RFTN1: variants seen among roughly 807,000 people sequenced by gnomAD.
The protein encoded by RFTN1 is raftlin.
A neutral mutation model predicts 46.5 loss-of-function variants in RFTN1; 26 were observed. The observed-to-expected ratio is 0.56, with a 90% CI of 0.41 to 0.78. RFTN1 has a LOEUF of 0.78. Ranked by LOEUF, RFTN1 falls within the 30% of genes least tolerant of loss-of-function variation. The pLI is 0.00. For missense variants in RFTN1, 693 were observed against 718.7 expected (o/e 0.96, Z 0.41); for synonymous variants, 261 against 284.2 (o/e 0.92, Z 0.82).
At chr3:16,434,399 C>CAA (rs761065705) in intron 2 of RFTN1, among the ~76,000 whole-genome samples, 3 of 112,184 alleles carry the variant, frequency 2.7e-5, no homozygotes, top group East Asian at 3.1e-4. Context: ...CAAACAAAAA[C>CAA]AAAAAAACCC....
At chr3:16,494,883 A>G (rs551186264) in intron 1 of RFTN1, among the ~76,000 whole-genome samples, 51 of 152,234 alleles carry the variant, frequency 3.4e-4, no homozygotes, top group Non-Finnish European at 6.9e-4. Flanking sequence ...AATATCACAC[A>G]CAGAAACCCA....
chr3:16,438,520 G>A (rs2075558709), intron 2 of RFTN1, among the ~76,000 whole-genome samples: 1 of 137,882 alleles, frequency 7.3e-6, no homozygotes, highest in African/African-American at 2.7e-5. Flanking sequence ...AGGAGGCAGA[G>A]GTTGCAGTGA....
intron 7 of RFTN1, among the ~76,000 whole-genome samples, chr3:16,333,287 A>G (rs2070509209): frequency 6.6e-6 from 1 of 152,254 alleles, no homozygotes; most frequent in African/African-American, 2.4e-5. Flanking sequence ...GAAACCAGGC[A>G]CAATATTACC....
chr3:16,412,376 T>C (rs2074995495), intron 3 of RFTN1, among the ~76,000 whole-genome samples: 1 of 152,222 alleles, frequency 6.6e-6, no homozygotes, highest in Non-Finnish European at 1.5e-5. Context: ...CACTCTGTGA[T>C]GGTGCAGCTA....
chr3:16,434,140 A>C, intron 2 of RFTN1, 103 bp from the exon 3 acceptor site: 1 of 969,390 alleles, frequency 1.0e-6, no homozygotes, highest in Non-Finnish European at 1.5e-6. Context: ...CCTCTAGGTC[A>C]CTGCTAAAAT....
Position 16,365,777 on chromosome 3 carries a change from G to C in RFTN1, c.1030+4299C>G, listed in dbSNP as rs181563399. Among the ~76,000 whole-genome samples the C allele has an allele frequency of 1.8e-4, 25 of 139,920 alleles. No homozygotes were observed. In the East Asian group the frequency reaches 5.1e-3, roughly 29 times the overall value. The allele number at this position is 139,920 out of a possible 152,430, so 91.8% of individuals were successfully genotyped here. The stretch of plus-strand genomic sequence containing the variant: ...CAGGTTACAGGAAATAGAGGCTGGA[G>C]ATATAAGATCAATGACACCATGAGC... On this transcript the variant is annotated intron_variant, in intron 6 of 9. Transcript: ENST00000334133.
At position 16,359,562 on chromosome 3, in the gene RFTN1, C is replaced by T. The variant is rs74563189; in HGVS notation, c.1031-1515G>A. The stretch of plus-strand genomic sequence containing the variant: ...TGGCGTGTGTAAAGAGGAAAAGCCA[C>T]GTGAGGACACAGCAGGAAGGTGGCT... On this transcript the variant is annotated intron_variant, in intron 6 of 9. Transcript: ENST00000334133. Among the ~76,000 whole-genome samples the T allele has an allele frequency of 2.9e-3, 437 of 152,212 alleles. 2 individuals are homozygous for T. Among genetic ancestry groups the T allele is most frequent in the African/African-American group, 0.01 (425 of 41,518 alleles).
chr3:16,482,360 T>A (rs1201343252), intron 2 of RFTN1, among the ~76,000 whole-genome samples: 3 of 152,186 alleles, frequency 2.0e-5, no homozygotes, highest in African/African-American at 7.2e-5. Context: ...AACCACTCAG[T>A]CTATTCTCAT....
chr3:16,344,863 C>G lies in RFTN1; in HGVS notation c.1146+13069G>C, dbSNP rs1184866104. On this transcript the variant is annotated intron_variant, in intron 7 of 9. Transcript: ENST00000334133. The surrounding 1 kb of genome is among the most constrained non-coding windows in gnomAD (Gnocchi z 4.4). ...GGAGTGGTAGTGAGTGAACACATAA[C>G]TACAAGAACACCCCCCAACCTTTTA... Among the ~76,000 whole-genome samples the G allele has an allele frequency of 1.3e-5, 2 of 152,216 alleles. No individual in the cohort carries two copies. The highest frequency in any genetic ancestry group is 2.9e-5 in the Non-Finnish European group (2 of 68,034).
rs147921749 is a variant in RFTN1 at position 16,390,371 on chromosome 3, G to C, written c.442-12269C>G. On this transcript the variant is annotated intron_variant, in intron 4 of 9. Coordinates refer to ENST00000334133, the MANE Select transcript of RFTN1 (RefSeq NM_015150.2). ...AGGATAACACAAAAGCTCTGAAGGA[G>C]TGAGCCTTCAGAGATCTGCTTTAAT... is the stretch of plus-strand genomic sequence containing the variant. 2.3e-3 allele frequency among the ~76,000 whole-genome samples: 353 copies of C among 152,334 alleles called. 3 individuals are homozygous for C. Among genetic ancestry groups the C allele is most frequent in the African/African-American group, 6.5e-3 (270 of 41,574 alleles).
chr3:16,480,140 T>A lies in RFTN1; in HGVS notation c.145+13585A>T, dbSNP rs1207707312. Among the ~76,000 whole-genome samples the A allele has an allele frequency of 6.6e-6, 1 of 151,842 alleles. No individual in the cohort carries two copies. The highest frequency in any genetic ancestry group is 2.4e-5 in the African/African-American group (1 of 41,436). ...AATGGATCAATTTTGTTAAGTAACT[T>A]TGCCAGACAAGACTGCTTTCTCCAA... On this transcript the variant is annotated intron_variant, in intron 2 of 9. Coordinates refer to ENST00000334133, the MANE Select transcript of RFTN1 (RefSeq NM_015150.2). The surrounding 1 kb of genome is among the most constrained non-coding windows in gnomAD (Gnocchi z 4.3).
At chr3:16,493,284 T>G (rs1027596791) in intron 2 of RFTN1, among the ~76,000 whole-genome samples, 8 of 151,256 alleles carry the variant, frequency 5.3e-5, no homozygotes, top group Admixed American at 2.0e-4. Flanking sequence ...CAGGCTGGAG[T>G]GCAGTGGCGT....
chr3:16,512,892 C>G lies in RFTN1; in HGVS notation c.-9+550G>C, dbSNP rs1204239761. The G allele has an allele frequency of 3.9e-5, 6 of 152,426 alleles. No homozygotes were observed. The highest frequency in any genetic ancestry group is 8.8e-5 in the Non-Finnish European group (6 of 68,124). The allele number at this position is 152,426 out of a possible 1,614,324, so 9.4% of individuals were successfully genotyped here. A position where few individuals can be genotyped will look rare whatever the true frequency, so the allele number is the denominator to read the frequency against. On this transcript the variant is annotated intron_variant, in intron 1 of 9. Transcript: ENST00000334133. This position sits in a 1 kb window ranked among gnomAD's most constrained non-coding sequence, Gnocchi z 4.3. Reference sequence around the variant, plus strand: ...AGCGCGCGGCATGTCTGCTCCTACACGTCCAGCACCTCTGTCCCCAGAGCA... The same window carrying G: ...AGCGCGCGGCATGTCTGCTCCTACAGGTCCAGCACCTCTGTCCCCAGAGCA...
In RFTN1 at chr3:16,353,462, C is replaced by T. The variant is rs892643537; in HGVS notation, c.1146+4470G>A. 3.3e-5 allele frequency among the ~76,000 whole-genome samples: 5 copies of T among 152,152 alleles called. No individual in the cohort carries two copies. The highest frequency in any genetic ancestry group is 1.3e-4 in the Admixed American group (2 of 15,284). ...TTACAGAGCTGTCTACACTTAGTTC[C>T]CCTAAGACAGGGATTCTCAAGGTGG... On this transcript the variant is annotated intron_variant, in intron 7 of 9. Coordinates refer to ENST00000334133, the MANE Select transcript of RFTN1 (RefSeq NM_015150.2). This position sits in a 1 kb window ranked among gnomAD's most constrained non-coding sequence, Gnocchi z 5.4.
At chr3:16,414,119 A>C (rs1018645863) in intron 3 of RFTN1, among the ~76,000 whole-genome samples, 3 of 152,134 alleles carry the variant, frequency 2.0e-5, no homozygotes, top group East Asian at 1.9e-4. Flanking sequence ...TCATTCATTC[A>C]TTAAATATGG....
rs567179803 is a variant in RFTN1 at position 16,481,455 on chromosome 3, C to T, written c.145+12270G>A. Among the ~76,000 whole-genome samples the T allele has an allele frequency of 6.6e-6, 1 of 152,200 alleles. No homozygotes were observed. The highest frequency in any genetic ancestry group is 1.5e-5 in the Non-Finnish European group (1 of 68,042). ...GGTCTGTTTTTAACACACCTCCCAG[C>T]CAGAACCTCAACTCATAACTCATGC... On this transcript the variant is annotated intron_variant, in intron 2 of 9. Coordinates refer to ENST00000334133, the MANE Select transcript of RFTN1 (RefSeq NM_015150.2). The surrounding 1 kb of genome is among the most constrained non-coding windows in gnomAD (Gnocchi z 5.1).
intron 2 of RFTN1, among the ~76,000 whole-genome samples, chr3:16,456,794 G>A (rs2075914215): frequency 1.3e-5 from 2 of 152,140 alleles, no homozygotes; most frequent in Admixed American, 1.3e-4. Flanking sequence ...GAATAAGAGT[G>A]GAAAAGGCGA....
chr3:16,409,356 C>A lies in RFTN1; in HGVS notation c.441+19G>T, dbSNP rs2074934679. The stretch of plus-strand genomic sequence containing the variant: ...ACACTCGCAAACCTCTTCAATGGTA[C>A]CCTGACTGTAGCGCTCACCTTCTTA... On this transcript the variant is annotated intron_variant, in intron 4 of 9. Transcript: ENST00000334133. 1 of 1,533,698 alleles carries A rather than the reference C, an allele frequency of 6.5e-7. No individual in the cohort carries two copies. The highest frequency in any genetic ancestry group is 1.1e-5 in the South Asian group (1 of 89,446).
chr3:16,454,733 C>T, intron 2 of RFTN1: 1 of 983,964 alleles, frequency 1.0e-6, no homozygotes, highest in Non-Finnish European at 1.2e-6. Flanking sequence ...TCAACCTATA[C>T]ACCAAGGCCT....
Sources: allele counts gnomAD v4.1 joint callset (sites outside exome capture counted in the v4.1 genomes callset), GRCh38; gene constraint gnomAD v4.1.1; non-coding constraint Gnocchi (gnomAD v3.1); transcripts MANE v1.5; gene names NCBI Gene and HGNC (gene_info 2026-07-23, HGNC 2026-07-21).